The following DYSF variants were observed in gnomAD, a reference collection of about 807,000 sequenced individuals.
DYSF encodes dystrophy-associated fer-1-like 1.
A neutral mutation model predicts 274.9 loss-of-function variants in DYSF; 212 were observed. The ratio of observed to expected loss-of-function variants is 0.77; its 90% CI spans 0.69 to 0.86. The LOEUF (loss-of-function observed/expected upper bound fraction) is 0.86, where lower values mean the gene tolerates loss of function less well. Ranked by LOEUF, DYSF falls within the 40% of genes least tolerant of loss-of-function variation. The pLI, the probability that DYSF is intolerant of heterozygous loss-of-function variation, is 0.00. For missense variants in DYSF, 2,666 were observed against 2,783.2 expected, an observed-to-expected ratio of 0.96 and a Z score of 0.95; for synonymous variants, 1,091 against 1,078.7, an observed-to-expected ratio of 1.01 and a Z score of -0.22.
chr2:71,596,236 G>A (rs1387858078), intron 32 of DYSF, among the ~76,000 whole-genome samples: 1 of 152,148 alleles, frequency 6.6e-6, no homozygotes, highest in Non-Finnish European at 1.5e-5. Flanking sequence ...TGCCTGGGCT[G>A]ATGGGGCTGC....
chr2:71,684,504 C>T (rs1283484007), intron 55 of DYSF, among the ~76,000 whole-genome samples: 2 of 152,180 alleles, frequency 1.3e-5, no homozygotes, highest in Admixed American at 6.5e-5. Flanking sequence ...GATGAGGCCT[C>T]ATGCCACTGG....
intron 55 of DYSF, among the ~76,000 whole-genome samples, chr2:71,683,385 C>T (rs1455672067): frequency 6.6e-6 from 1 of 152,138 alleles, no homozygotes. Context: ...CTGTGCTTCC[C>T]CAGCCCGCAC....
intron 40 of DYSF, among the ~76,000 whole-genome samples, chr2:71,618,184 ATAAGTG>A (rs2093961426): frequency 6.8e-5 from 1 of 14,758 alleles, no homozygotes; most frequent in Non-Finnish European, 1.4e-4. Flanking sequence ...GAGGTGGGGT[ATAAGTG>A]TGTGTGGTAG....
chr2:71,528,341 C>T lies in DYSF; in HGVS notation c.1320C>T (p.Phe440=), dbSNP rs779669549. 4.5e-5 allele frequency: 72 copies of T among 1,614,122 alleles called. No individual in the cohort carries two copies. The highest frequency in any genetic ancestry group is 4.4e-4 in the South Asian group (40 of 91,052). Reference sequence around the variant, plus strand: ...ACAACGTGAAACAGATCTTTGGCTTCGAGAGTAACAAGAAGAACTTGGTGG... The same window carrying T: ...ACAACGTGAAACAGATCTTTGGCTTTGAGAGTAACAAGAAGAACTTGGTGG... ...VMDNVKQIFG[F]ESNKKNLVDP... is the part of the protein sequence containing the mutation. The change falls in exon 14 of 56, where the codon TTC becomes TTT. Residue 440 remains phenylalanine, a synonymous_variant. Transcript: ENST00000410020.
intron 17 of DYSF, among the ~76,000 whole-genome samples, chr2:71,550,726 G>A (rs976386355): frequency 6.6e-6 from 1 of 152,188 alleles, no homozygotes; most frequent in African/African-American, 2.4e-5. Flanking sequence ...GCTTTGAGGT[G>A]ACACCATTCT....
intron 40 of DYSF, among the ~76,000 whole-genome samples, chr2:71,618,594 T>TGGGGGGGGG (rs2094001324): frequency 1.7e-5 from 1 of 58,678 alleles, no homozygotes. Context: ...TGTGTGTGTG[T>TGGGGGGGGG]GGTAGAGGTG....
At chr2:71,537,308 G>A (rs555077600) in intron 16 of DYSF, among the ~76,000 whole-genome samples, 23 of 141,140 alleles carry the variant, frequency 1.6e-4, no homozygotes, top group South Asian at 4.5e-4. Flanking sequence ...GTCCAATGGC[G>A]TGATCTTGGC....
At position 71,481,891 on chromosome 2, in the gene DYSF, G is replaced by C. The variant is rs1181138358; in HGVS notation, c.160G>C (p.Asp54His). 6.2e-7 allele frequency: 1 copy of C among 1,613,946 alleles called. No individual in the cohort carries two copies. The highest frequency in any genetic ancestry group is 8.5e-7 in the Non-Finnish European group (1 of 1,179,940). The change falls in exon 3 of 56, where the codon GAC (aspartate) becomes CAC (histidine). Residue 54 changes from aspartate to histidine, a missense_variant. This residue lies in a region of DYSF where 794 missense variants were observed against 777.1 expected (regional missense o/e 1.02). Coordinates refer to ENST00000410020, the MANE Select transcript of DYSF (RefSeq NM_001130987.2). Reference protein sequence around the residue: ...NPVWNEGFEWDLKGIPLDQGS... With the variant: ...NPVWNEGFEWHLKGIPLDQGS... ...CTTTTTCTTCCAGGGATTTGAATGGGACCTCAAGGGCATCCCCCTGGACCA... is the reference window on the plus strand; with the variant it reads ...CTTTTTCTTCCAGGGATTTGAATGGCACCTCAAGGGCATCCCCCTGGACCA...
intron 52 of DYSF, among the ~76,000 whole-genome samples, chr2:71,678,658 T>G (rs2152967329): frequency 6.6e-6 from 1 of 152,276 alleles, no homozygotes; most frequent in Middle Eastern, 3.4e-3. Context: ...ATTGTACACT[T>G]AACATGGTTA....
intron 32 of DYSF, among the ~76,000 whole-genome samples, chr2:71,592,248 GC>G (rs775893543): frequency 3.9e-5 from 6 of 152,176 alleles, no homozygotes; most frequent in Non-Finnish European, 5.9e-5. Context: ...AGCACTGGGA[GC>G]CTATGCTCCC....
At chr2:71,646,688 CAG>C (rs2094572785) in intron 42 of DYSF, among the ~76,000 whole-genome samples, 1 of 152,090 alleles carries the variant, frequency 6.6e-6, no homozygotes, top group African/African-American at 2.4e-5. Flanking sequence ...GCATTAAAAA[CAG>C]AAACCACAGA....
chr2:71,619,357 C>T (rs2094033463), intron 40 of DYSF, among the ~76,000 whole-genome samples: 1 of 152,092 alleles, frequency 6.6e-6, no homozygotes, highest in South Asian at 2.1e-4. Flanking sequence ...TGCCCTCCTG[C>T]GTATGCTTCT....
intron 1 of DYSF, among the ~76,000 whole-genome samples, chr2:71,478,721 T>C (rs1296090531): frequency 6.6e-6 from 1 of 152,138 alleles, no homozygotes; most frequent in Non-Finnish European, 1.5e-5. Context: ...TCTGCGGGAC[T>C]CACTACAACG....
At position 71,503,253 on chromosome 2, in the gene DYSF, C is replaced by T. The variant is rs138870937; in HGVS notation, c.279C>T (p.Leu93=). ...GEAKVPLREV[L]ATPSLSASFN... is the part of the protein sequence containing the mutation. The stretch of plus-strand genomic sequence containing the variant: ...CCAAGGTCCCACTCCGAGAGGTCCT[C>T]GCCACCCCTAGTCTGTCCGCCAGCT... The change falls in exon 4 of 56, where the codon CTC becomes CTT. Residue 93 remains leucine (L), a synonymous_variant. Transcript: ENST00000410020. 1.0e-4 allele frequency: 169 copies of T among 1,614,008 alleles called. No homozygotes were observed. Among genetic ancestry groups the T allele is most frequent in the East Asian group, 2.5e-4 (11 of 44,894 alleles).
At chr2:71,533,970 C>T (rs1392251210) in intron 14 of DYSF, among the ~76,000 whole-genome samples, 1 of 152,168 alleles carries the variant, frequency 6.6e-6, no homozygotes, top group Non-Finnish European at 1.5e-5. Context: ...TCTCTTCTTT[C>T]CTTACTCCTC....
rs1251032024 is a variant in DYSF, at chr2:71,598,567, C to T, written c.3578C>T (p.Pro1193Leu). 6.2e-7 allele frequency: 1 copy of T among 1,614,216 alleles called. No individual in the cohort carries two copies. Among genetic ancestry groups the T allele is most frequent in the Non-Finnish European group, 8.5e-7 (1 of 1,180,048 alleles). The stretch of plus-strand genomic sequence containing the variant: ...TCCCCCTCTCCGGCCCATGCAGATC[C>T]CTATGCCATCGTCTCCTTCCTGCAC... ...AAMDKDSFSD[P>L]YAIVSFLHQS... The change falls in exon 33 of 56, where the codon CCC (proline) becomes CTC (leucine). Residue 1193 changes from proline (P) to leucine (L), a missense_variant. Physicochemically the swap from Pro to Leu is moderately conservative, Grantham distance 98. Coordinates refer to ENST00000410020, the MANE Select transcript of DYSF (RefSeq NM_001130987.2).
At position 71,615,510 on chromosome 2, in the gene DYSF, G is replaced by T. The variant is rs1179477603; in HGVS notation, c.4464+2100G>T. Among the ~76,000 whole-genome samples, 3 of 152,208 alleles carry T rather than the reference G, an allele frequency of 2.0e-5. No individual in the cohort carries two copies. Among genetic ancestry groups the T allele is most frequent in the Non-Finnish European group, 2.9e-5 (2 of 68,032 alleles). On this transcript the variant is annotated intron_variant, in intron 40 of 55. Transcript: ENST00000410020. This position sits in a 1 kb window ranked among gnomAD's most constrained non-coding sequence, Gnocchi z 4.9. ...CCAGCAGGGAGACCAGTTCTGTTCT[G>T]CAGGGAGCCCTGGCCCTCTGGGGAA...
chr2:71,618,273 G>A (rs1213931508), intron 40 of DYSF, among the ~76,000 whole-genome samples: 6 of 88,968 alleles, frequency 6.7e-5, no homozygotes, highest in South Asian at 4.1e-4. Flanking sequence ...AGAGGTGTGT[G>A]TGTGTGGTAG....
intron 30 of DYSF, among the ~76,000 whole-genome samples, chr2:71,575,247 G>A (rs982299336): frequency 1.3e-5 from 2 of 152,136 alleles, no homozygotes; most frequent in Non-Finnish European, 2.9e-5. Flanking sequence ...GGTGAAGCCA[G>A]CAGTGGCCCT....
Sources: allele counts gnomAD v4.1 joint callset (sites outside exome capture counted in the v4.1 genomes callset), GRCh38; gene constraint gnomAD v4.1.1; regional missense constraint gnomAD v4.1.1; non-coding constraint Gnocchi (gnomAD v3.1); transcripts MANE v1.5; gene names NCBI Gene and HGNC (gene_info 2026-07-23, HGNC 2026-07-21).